EFCAB6: variants seen among roughly 807,000 people sequenced by gnomAD.
EFCAB6 encodes EF-hand calcium binding domain 6, also known as EF-hand calcium-binding domain-containing protein 6.
EFCAB6 carries 156 observed loss-of-function variants against 169.8 expected under a neutral mutation model. That is an observed-to-expected ratio of 0.92 (90% CI 0.81 to 1.05). The LOEUF is 1.05. Ranked by LOEUF, EFCAB6 falls within the 50% of genes least tolerant of loss-of-function variation. The probability of loss-of-function intolerance (pLI) is 0.00; values close to 1 mark genes in which losing one functional copy is unlikely to be tolerated. For synonymous variants in EFCAB6, 698 were observed against 676.4 expected (o/e 1.03, Z -0.50); for missense variants, 1,800 against 1,829.1 (o/e 0.98, Z 0.29).
chr22:43,687,446 T>G (rs780033041), intron 11 of EFCAB6, 25 bp downstream of exon 11: 9 of 1,103,774 alleles, frequency 8.2e-6, no homozygotes, highest in East Asian at 2.7e-5. Context: ...AACTAAAATT[T>G]GTTTTTTTTT....
intron 6 of EFCAB6, among the ~76,000 whole-genome samples, chr22:43,740,711 C>T (rs763068142): frequency 2.2e-4 from 33 of 152,134 alleles, no homozygotes; most frequent in Non-Finnish European, 3.1e-4. Context: ...GAGGGAAAGG[C>T]ACCGGCAGAA....
rs766779999 is a variant in EFCAB6 at position 43,731,769 on chromosome 22, A to T, written c.687T>A (p.Asp229Glu). Residue 229 changes from aspartate to glutamate, a missense_variant, in exon 8 of 32, where the codon GAT (aspartate) becomes GAA (glutamate). Transcript: ENST00000262726. The part of the protein sequence containing the change: ...HYNIHKDTAV[D>E]YNVFLKNLSI... Reference sequence around the variant, plus strand: ...TGAGATTCTTCAAAAACACGTTGTAATCTACTGCAGTATCCTTGTGGATGT... The same window carrying T: ...TGAGATTCTTCAAAAACACGTTGTATTCTACTGCAGTATCCTTGTGGATGT... The T allele has an allele frequency of 3.1e-6, 5 of 1,603,138 alleles. No individual in the cohort carries two copies. In the African/African-American group the frequency reaches 6.7e-5, roughly 22 times the overall value.
At position 43,667,157 on chromosome 22, in the gene EFCAB6, G is replaced by C; in HGVS notation, c.1930C>G (p.Leu644Val). 6.2e-7 allele frequency: 1 copy of C among 1,614,116 alleles called. No homozygotes were observed. Among genetic ancestry groups the C allele is most frequent in the Non-Finnish European group, 8.5e-7 (1 of 1,179,998 alleles). The change falls in exon 17 of 32, where the codon CTT becomes GTT. Residue 644 changes from leucine (L) to valine (V), a missense_variant. Coordinates refer to ENST00000262726, the MANE Select transcript of EFCAB6 (RefSeq NM_022785.4). ...QQDPAFKKRF[L>V]DFSKEPNGKI... is the part of the protein sequence containing the mutation. ...CCATTAGGCTCCTTGCTGAAGTCAA[G>C]AAATCGTTTTTTGAATGCCGGGTCC... is the stretch of plus-strand genomic sequence containing the variant.
chr22:43,641,091 A>G (rs1217403507), intron 17 of EFCAB6, among the ~76,000 whole-genome samples: 1 of 152,212 alleles, frequency 6.6e-6, no homozygotes. Flanking sequence ...GTAGAGAATT[A>G]CCAACACTTC....
At chr22:43,720,610 T>C (rs773261389) in intron 8 of EFCAB6, among the ~76,000 whole-genome samples, 71 of 147,814 alleles carry the variant, frequency 4.8e-4, no homozygotes, top group African/African-American at 1.2e-3. Flanking sequence ...AGTTATATCA[T>C]GGAAGGAAAC....
Position 43,765,407 on chromosome 22 carries a change from A to G in EFCAB6, c.352-14T>C. Reference sequence around the variant, plus strand: ...GCTAAGGGGGATCTACAGTCAAGGGAGAAGAATGACAACATGTTAGAGAAT... The same window carrying G: ...GCTAAGGGGGATCTACAGTCAAGGGGGAAGAATGACAACATGTTAGAGAAT... On this transcript the variant is annotated splice_polypyrimidine_tract_variant and intron_variant, in intron 4 of 31. Transcript: ENST00000262726. 1 of 1,595,938 alleles carries G rather than the reference A, an allele frequency of 6.3e-7. No individual in the cohort carries two copies. Among genetic ancestry groups the G allele is most frequent in the Non-Finnish European group, 8.6e-7 (1 of 1,164,902 alleles).
chr22:43,656,809 T>C (rs1017701727), intron 17 of EFCAB6, among the ~76,000 whole-genome samples: 2 of 103,810 alleles, frequency 1.9e-5, no homozygotes, highest in African/African-American at 5.4e-5. Context: ...AGCTTAGCTG[T>C]GTAGGAGGCT....
At chr22:43,736,217 A>T (rs2060132074) in intron 6 of EFCAB6, among the ~76,000 whole-genome samples, 1 of 152,144 alleles carries the variant, frequency 6.6e-6, no homozygotes, top group African/African-American at 2.4e-5. Flanking sequence ...TTAGTAATTT[A>T]AAAAAAATCT....
chr22:43,630,912 A>C (rs2054894344), intron 19 of EFCAB6, among the ~76,000 whole-genome samples: 1 of 150,704 alleles, frequency 6.6e-6, no homozygotes, highest in South Asian at 2.1e-4. Flanking sequence ...CAAACCAAAA[A>C]TTAGGATGCA....
rs1199645403 is a variant in EFCAB6 at position 43,554,571 on chromosome 22, A to T, written c.3648+298T>A. The T allele has an allele frequency of 9.8e-6, 4 of 409,376 alleles. No individual in the cohort carries two copies. The East Asian group carries it at 1.5e-4, about 15-fold the overall frequency. The allele number at this position is 409,376 out of a possible 1,614,324, so 25.4% of individuals were successfully genotyped here. A position where few individuals can be genotyped will look rare whatever the true frequency, so the allele number is the denominator to read the frequency against. ...TTGCTGCCCATGACAGACCCAGACCACATTACCTCCGGGATGCTCCAGGGA... is the reference window on the plus strand; with the variant it reads ...TTGCTGCCCATGACAGACCCAGACCTCATTACCTCCGGGATGCTCCAGGGA... On this transcript the variant is annotated intron_variant, in intron 27 of 31. Transcript: ENST00000262726.
intron 2 of EFCAB6, among the ~76,000 whole-genome samples, chr22:43,785,786 T>C (rs1489754500): frequency 1.3e-5 from 2 of 152,098 alleles, no homozygotes; most frequent in East Asian, 3.9e-4. Context: ...ACACTCAAAT[T>C]ATTAAAATCA....
At chr22:43,578,827 C>T (rs1342108125) in intron 25 of EFCAB6, among the ~76,000 whole-genome samples, 1 of 124,250 alleles carries the variant, frequency 8.0e-6, no homozygotes, top group Non-Finnish European at 1.9e-5. Flanking sequence ...TCCCTACACG[C>T]AGGCATCATT....
chr22:43,684,205 C>T (rs186194842), intron 11 of EFCAB6, among the ~76,000 whole-genome samples: 1 of 152,330 alleles, frequency 6.6e-6, no homozygotes. Flanking sequence ...GCCCCCCCTC[C>T]TGTGTGTGCA....
At chr22:43,675,543 G>A (rs964939735) in intron 13 of EFCAB6, among the ~76,000 whole-genome samples, 1 of 143,292 alleles carries the variant, frequency 7.0e-6, no homozygotes, top group Admixed American at 7.1e-5. Context: ...ATAAATCAGT[G>A]TACAAATGTC....
chr22:43,714,294 G>A lies in EFCAB6; in HGVS notation c.882+2554C>T, dbSNP rs529043653. Among the ~76,000 whole-genome samples, 31 of 152,148 alleles carry A rather than the reference G, an allele frequency of 2.0e-4. No homozygotes were observed. The South Asian group carries it at 4.4e-3, about 21-fold the overall frequency. On this transcript the variant is annotated intron_variant, in intron 9 of 31. Transcript: ENST00000262726. ...ACAGCTATGAAGGAGAGGCAAAGAT[G>A]ATCCAATATAAGGATAACAGGGACT...
chr22:43,644,628 T>C (rs1386623839), intron 17 of EFCAB6, among the ~76,000 whole-genome samples: 2 of 152,246 alleles, frequency 1.3e-5, no homozygotes, highest in Non-Finnish European at 2.9e-5. Context: ...GGTTTGCTAA[T>C]AGCAATCACA....
intron 4 of EFCAB6, among the ~76,000 whole-genome samples, chr22:43,771,804 G>A (rs16990991): frequency 0.23 from 34,438 of 152,020 alleles, 5,137 homozygotes; most frequent in East Asian, 0.61. Flanking sequence ...CAGCCTCTAG[G>A]ATAAATGTCG....
At chr22:43,611,338 G>A (rs890538519) in intron 21 of EFCAB6, among the ~76,000 whole-genome samples, 1 of 152,158 alleles carries the variant, frequency 6.6e-6, no homozygotes, top group Non-Finnish European at 1.5e-5. Context: ...ACTGCTCAAA[G>A]ATATCAGTGA....
At chr22:43,751,132 T>C (rs66525552) in intron 6 of EFCAB6, among the ~76,000 whole-genome samples, 7,349 of 152,354 alleles carry the variant, frequency 0.048, 198 homozygotes, top group African/African-American at 0.058. Flanking sequence ...ATGCTTTGTT[T>C]TTCTTTATGT....
Sources: gnomAD v4.1 joint callset for allele counts (sites outside exome capture counted in the v4.1 genomes callset) on GRCh38, gnomAD v4.1.1 for gene constraint, MANE v1.5 for transcripts, NCBI Gene and HGNC (gene_info 2026-07-23, HGNC 2026-07-21) for gene names.